KHDRBS3: variants seen among roughly 807,000 people sequenced by gnomAD.
KHDRBS3 encodes KH domain-containing, RNA-binding, signal transduction-associated protein 3.
KHDRBS3 carries 23 observed loss-of-function variants against 45.6 expected under a neutral mutation model. The observed-to-expected ratio is 0.50, with a 90% CI of 0.36 to 0.72. The LOEUF is 0.72. KHDRBS3 is among the 30% of genes least tolerant of loss of function. KHDRBS3 has a pLI of 0.00. For synonymous variants in KHDRBS3, 162 were observed against 156.5 expected (o/e 1.04, Z -0.26); for missense variants, 352 against 424.8 (o/e 0.83, Z 1.51).
intron 4 of KHDRBS3, among the ~76,000 whole-genome samples, chr8:135,555,993 T>C (rs1274106867): frequency 6.6e-6 from 1 of 152,204 alleles, no homozygotes; most frequent in Admixed American, 6.5e-5. Context: ...GTATTTGGTT[T>C]TCTGATCTTG....
intron 5 of KHDRBS3, among the ~76,000 whole-genome samples, chr8:135,561,107 T>A (rs1308526625): frequency 6.6e-6 from 1 of 152,216 alleles, no homozygotes; most frequent in Non-Finnish European, 1.5e-5. Flanking sequence ...TTGCCATATT[T>A]CCTGTGTATT....
intron 1 of KHDRBS3, among the ~76,000 whole-genome samples, chr8:135,513,875 C>G (rs780589686): frequency 1.3e-5 from 2 of 150,034 alleles, no homozygotes; most frequent in Non-Finnish European, 3.0e-5. Context: ...TTTTTTTTTT[C>G]CTTCATCTAC....
chr8:135,466,273 C>T (rs1821693005), intron 1 of KHDRBS3, among the ~76,000 whole-genome samples: 2 of 152,172 alleles, frequency 1.3e-5, no homozygotes, highest in African/African-American at 4.8e-5. Flanking sequence ...GGCACTGTAG[C>T]TAGGTTCTTC....
intron 6 of KHDRBS3, among the ~76,000 whole-genome samples, chr8:135,587,019 T>G (rs1478595338): frequency 5.9e-5 from 9 of 152,230 alleles, no homozygotes; most frequent in African/African-American, 2.2e-4. Flanking sequence ...CAAGAAAAAT[T>G]TAGTCAACGG....
chr8:135,635,026 G>GA (rs1182071097), intron 7 of KHDRBS3, among the ~76,000 whole-genome samples: 2 of 152,086 alleles, frequency 1.3e-5, no homozygotes, highest in East Asian at 3.9e-4. Context: ...GTGGTGTGGG[G>GA]AAAAAAATTA....
chr8:135,463,702 C>A (rs1821547944), intron 1 of KHDRBS3, among the ~76,000 whole-genome samples: 1 of 152,144 alleles, frequency 6.6e-6, no homozygotes, highest in South Asian at 2.1e-4. Context: ...GAGTTATCCG[C>A]AGTTTCAGAT....
intron 5 of KHDRBS3, among the ~76,000 whole-genome samples, chr8:135,573,009 A>G (rs1827779979): frequency 6.6e-6 from 1 of 152,200 alleles, no homozygotes; most frequent in Non-Finnish European, 1.5e-5. Context: ...GTTACCCCTC[A>G]GGTGCTTATT....
intron 5 of KHDRBS3, among the ~76,000 whole-genome samples, chr8:135,568,704 ACATGTGCTCTCT>A: frequency 6.6e-6 from 1 of 152,260 alleles, no homozygotes; most frequent in Non-Finnish European, 1.5e-5. Context: ...AAAGTAATAA[ACATGTGCTCTCT>A]GAAACAATCA....
chr8:135,587,980 G>A lies in KHDRBS3; in HGVS notation c.807+5907G>A, dbSNP rs538615193. On this transcript the variant is annotated intron_variant, in intron 6 of 8. Transcript: ENST00000355849. ...TCCTCTTTACTGCTGCTCTCAATAC[G>A]TCACTTTTGCACTGTATGTATAGGT... Among the ~76,000 whole-genome samples the A allele has an allele frequency of 2.2e-4, 33 of 152,150 alleles. No homozygotes were observed. The South Asian group carries it at 3.3e-3, about 15-fold the overall frequency.
intron 5 of KHDRBS3, 25 bp downstream of exon 5, chr8:135,557,612 T>G (rs761864910): frequency 6.3e-7 from 1 of 1,576,882 alleles, no homozygotes; most frequent in South Asian, 1.1e-5. Context: ...TTTTTTAGGT[T>G]AACATACCGT....
chr8:135,466,641 G>GT (rs1243285781), intron 1 of KHDRBS3, among the ~76,000 whole-genome samples: 1 of 152,108 alleles, frequency 6.6e-6, no homozygotes, highest in African/African-American at 2.4e-5. Context: ...TTTGTCAGTT[G>GT]GTGTGCAAAT....
intron 2 of KHDRBS3, among the ~76,000 whole-genome samples, chr8:135,525,016 G>A (rs1825108481): frequency 1.3e-5 from 2 of 152,038 alleles, no homozygotes; most frequent in South Asian, 4.1e-4. Context: ...GGCCATCTTA[G>A]ATTTATTTTG....
At chr8:135,531,491 A>C (rs1235746229) in intron 2 of KHDRBS3, among the ~76,000 whole-genome samples, 1 of 152,150 alleles carries the variant, frequency 6.6e-6, no homozygotes, top group African/African-American at 2.4e-5. Context: ...CTTTAACTCC[A>C]TAAGTATTTA....
chr8:135,656,427 A>G (rs902350010), exon 5 of KHDRBS3: 4 of 152,224 alleles, frequency 2.6e-5, no homozygotes, highest in South Asian at 2.1e-4. Flanking sequence ...AAGAAAATCT[A>G]TCTTATTTTG....
At chr8:135,596,057 A>T (rs1828960047) in intron 6 of KHDRBS3, among the ~76,000 whole-genome samples, 1 of 152,132 alleles carries the variant, frequency 6.6e-6, no homozygotes, top group South Asian at 2.1e-4. Context: ...GCTTGGGGGA[A>T]AATGAAAATG....
chr8:135,645,992 A>ATTTTTTTTT (rs57082119), intron 8 of KHDRBS3, among the ~76,000 whole-genome samples: 6 of 100,712 alleles, frequency 6.0e-5, no homozygotes, highest in African/African-American at 8.1e-5. Flanking sequence ...TGCACCTTGG[A>ATTTTTTTTT]TTTTTTTTTT....
chr8:135,600,380 A>T (rs1829154305), intron 6 of KHDRBS3, among the ~76,000 whole-genome samples: 2 of 152,222 alleles, frequency 1.3e-5, no homozygotes, highest in Non-Finnish European at 2.9e-5. Context: ...GAATCTAATA[A>T]TTCTGAATGA....
chr8:135,622,558 A>G (rs1830191846), intron 7 of KHDRBS3, among the ~76,000 whole-genome samples: 1 of 152,244 alleles, frequency 6.6e-6, no homozygotes, highest in Non-Finnish European at 1.5e-5. Context: ...GCAGATCACA[A>G]TCAGTGTTTT....
chr8:135,511,471 A>T (rs947983723), intron 1 of KHDRBS3, among the ~76,000 whole-genome samples: 11 of 151,626 alleles, frequency 7.3e-5, no homozygotes, highest in African/African-American at 2.7e-4. Flanking sequence ...TCTCGTGTGT[A>T]TGTTTTAATC....
Sources: allele counts gnomAD v4.1 joint callset (sites outside exome capture counted in the v4.1 genomes callset), GRCh38; gene constraint gnomAD v4.1.1; transcripts MANE v1.5; gene names NCBI Gene and HGNC (gene_info 2026-07-23, HGNC 2026-07-21).